The following MACROD2 variants were observed in gnomAD, a reference collection of about 807,000 sequenced individuals.
MACROD2 encodes mono-ADP ribosylhydrolase 2, also known as ADP-ribose glycohydrolase MACROD2.
MACROD2 carries 36 observed loss-of-function variants against 70.4 expected under a neutral mutation model. That is an observed-to-expected ratio of 0.51 (90% CI 0.39 to 0.68). MACROD2 has a LOEUF of 0.68. Ranked by LOEUF, MACROD2 falls within the 30% of genes least tolerant of loss-of-function variation. MACROD2 has a pLI of 0.00. For missense variants in MACROD2, 496 were observed against 538.4 expected (o/e 0.92, Z 0.78); for synonymous variants, 172 against 178.8 (o/e 0.96, Z 0.30).
chr20:14,436,433 C>A (rs1309463683), intron 3 of MACROD2, among the ~76,000 whole-genome samples: 1 of 152,162 alleles, frequency 6.6e-6, no homozygotes, highest in Admixed American at 6.6e-5. Flanking sequence ...CTTAATTATG[C>A]TGTTTTCTTT....
intron 5 of MACROD2, among the ~76,000 whole-genome samples, chr20:14,743,893 C>T (rs906115884): frequency 6.6e-6 from 1 of 152,038 alleles, no homozygotes; most frequent in Non-Finnish European, 1.5e-5. Context: ...TGGTCCAAGT[C>T]AGAGGAGAGG....
chr20:15,511,081 G>A (rs942882640), intron 8 of MACROD2, among the ~76,000 whole-genome samples: 11 of 152,270 alleles, frequency 7.2e-5, no homozygotes, highest in African/African-American at 2.4e-4. Context: ...CTGAAATACT[G>A]GCCTTAGACT....
At chr20:14,571,712 G>A (rs1980204689) in intron 4 of MACROD2, among the ~76,000 whole-genome samples, 1 of 151,994 alleles carries the variant, frequency 6.6e-6, no homozygotes, top group Admixed American at 6.6e-5. Context: ...TTCTTTGATA[G>A]GCATTCTATT....
intron 8 of MACROD2, among the ~76,000 whole-genome samples, chr20:15,681,945 T>TCCC (rs2050165450): frequency 6.6e-6 from 1 of 152,220 alleles, no homozygotes; most frequent in Admixed American, 6.5e-5. Context: ...CCCAAGGTGA[T>TCCC]AGATTGGTGG....
chr20:14,238,415 A>G (rs1050932978), intron 3 of MACROD2, among the ~76,000 whole-genome samples: 8 of 152,226 alleles, frequency 5.3e-5, no homozygotes. Flanking sequence ...ATTCAAAATA[A>G]TAAGAACTAT....
intron 8 of MACROD2, among the ~76,000 whole-genome samples, chr20:15,705,428 A>AT (rs940583950): frequency 5.0e-4 from 75 of 149,778 alleles, no homozygotes; most frequent in African/African-American, 8.5e-4. Flanking sequence ...GCCCCAAAGC[A>AT]TTTTTTTTTT....
intron 5 of MACROD2, among the ~76,000 whole-genome samples, chr20:15,013,733 G>A (rs1413035231): frequency 6.6e-6 from 1 of 152,116 alleles, no homozygotes; most frequent in East Asian, 1.9e-4. Flanking sequence ...TTCTATGGCA[G>A]TGTATCCCAA....
At chr20:14,555,399 A>G (rs1050731285) in intron 4 of MACROD2, among the ~76,000 whole-genome samples, 1 of 152,074 alleles carries the variant, frequency 6.6e-6, no homozygotes, top group Non-Finnish European at 1.5e-5. Flanking sequence ...AGCTCCTCCA[A>G]GTTCCACTGT....
chr20:15,869,622 G>T (rs1009302819), intron 9 of MACROD2, among the ~76,000 whole-genome samples: 2 of 151,986 alleles, frequency 1.3e-5, no homozygotes, highest in African/African-American at 4.8e-5. Context: ...CAAGTGTTTT[G>T]TAGTTAGAAC....
intron 5 of MACROD2, among the ~76,000 whole-genome samples, chr20:15,158,698 C>T (rs531892603): frequency 3.3e-5 from 5 of 152,082 alleles, no homozygotes; most frequent in Non-Finnish European, 5.9e-5. Flanking sequence ...TACTCAGTTC[C>T]GGCAATATTA....
chr20:14,278,680 G>T (rs1016538029), intron 3 of MACROD2, among the ~76,000 whole-genome samples: 8 of 152,082 alleles, frequency 5.3e-5, no homozygotes, highest in Non-Finnish European at 4.4e-5. Flanking sequence ...CACATTAATT[G>T]TGTTTAGGTT....
chr20:15,356,245 A>G (rs2078285908), intron 6 of MACROD2, among the ~76,000 whole-genome samples: 1 of 152,230 alleles, frequency 6.6e-6, no homozygotes, highest in Non-Finnish European at 1.5e-5. Context: ...AAATGTGAGA[A>G]TAATAGTGCT....
intron 8 of MACROD2, among the ~76,000 whole-genome samples, chr20:15,800,561 T>G (rs1465728922): frequency 1.3e-5 from 2 of 152,220 alleles, no homozygotes; most frequent in Non-Finnish European, 2.9e-5. Context: ...TGTATGTTCT[T>G]AATGCCTTTG....
intron 5 of MACROD2, among the ~76,000 whole-genome samples, chr20:15,220,068 C>A (rs2076845659): frequency 6.9e-6 from 1 of 144,144 alleles, no homozygotes; most frequent in African/African-American, 2.6e-5. Flanking sequence ...GTGTTAGAAT[C>A]TTATTTTTAA....
At chr20:14,230,388 A>G (rs1172717432) in intron 3 of MACROD2, among the ~76,000 whole-genome samples, 1 of 151,972 alleles carries the variant, frequency 6.6e-6, no homozygotes, top group African/African-American at 2.4e-5. Context: ...TAGCATTTTC[A>G]AAAGGAGTAG....
intron 3 of MACROD2, chr20:14,223,259 G>A (rs749966093): frequency 2.6e-5 from 4 of 152,242 alleles, no homozygotes; most frequent in Non-Finnish European, 5.9e-5. Flanking sequence ...AAACTCCCAT[G>A]CTGATCTGTA....
At chr20:15,989,077 G>A (rs762402553) in intron 15 of MACROD2, among the ~76,000 whole-genome samples, 2 of 152,074 alleles carry the variant, frequency 1.3e-5, no homozygotes, top group Non-Finnish European at 2.9e-5. Context: ...TATAGTTATG[G>A]TGCAAATTTA....
intron 8 of MACROD2, among the ~76,000 whole-genome samples, chr20:15,730,145 T>C (rs915999911): frequency 2.2e-4 from 34 of 152,288 alleles, no homozygotes; most frequent in African/African-American, 8.2e-4. Context: ...CATGTTTCTT[T>C]ATTTGACTTG....
At chr20:15,695,727 C>A (rs1219039063) in intron 8 of MACROD2, among the ~76,000 whole-genome samples, 3 of 152,040 alleles carry the variant, frequency 2.0e-5, no homozygotes, top group Admixed American at 1.3e-4. Flanking sequence ...TTTCTTTCAG[C>A]AGTGTTTTGT....
Sources: allele counts gnomAD v4.1 joint callset (sites outside exome capture counted in the v4.1 genomes callset), GRCh38; gene constraint gnomAD v4.1.1; transcripts MANE v1.5; gene names NCBI Gene and HGNC (gene_info 2026-07-23, HGNC 2026-07-21).